Variants in SRRM4 observed in about 807,000 individuals in gnomAD.
SRRM4 encodes the protein serine/arginine repetitive matrix protein 4.
SRRM4 carries 33 observed loss-of-function variants against 68.9 expected under a neutral mutation model. The ratio of observed to expected loss-of-function variants is 0.48; its 90% CI spans 0.36 to 0.64. The LOEUF (loss-of-function observed/expected upper bound fraction) is 0.64. Ranked by LOEUF, SRRM4 falls within the 30% of genes least tolerant of loss-of-function variation. The probability of loss-of-function intolerance (pLI) is 0.00; values close to 1 mark genes in which losing one functional copy is unlikely to be tolerated. For missense variants in SRRM4, 817 were observed against 827.1 expected (o/e 0.99, Z 0.15); for synonymous variants, 318 against 318.8 (o/e 1.00, Z 0.03).
At chr12:119,000,482 T>A (rs1230291852) in intron 1 of SRRM4, among the ~76,000 whole-genome samples, 1 of 152,186 alleles carries the variant, frequency 6.6e-6, no homozygotes, top group Non-Finnish European at 1.5e-5. Flanking sequence ...CAGTGAACCC[T>A]GTGTTTCTCG....
At chr12:119,029,061 A>G (rs988100791) in intron 1 of SRRM4, among the ~76,000 whole-genome samples, 2 of 152,216 alleles carry the variant, frequency 1.3e-5, no homozygotes, top group African/African-American at 4.8e-5. Flanking sequence ...AGGTGGGAAA[A>G]TACTGTGCCC....
At chr12:119,123,497 T>TAGG (rs5801316) in intron 6 of SRRM4, among the ~76,000 whole-genome samples, 82,619 of 151,076 alleles carry the variant, frequency 0.55, 22,749 homozygotes, top group South Asian at 0.63. Context: ...TCAACAGCGC[T>TAGG]AGGAAGGACC....
rs1012300433 is a variant in SRRM4, at chr12:119,075,615, T to C, written c.132-26621T>C. Among the ~76,000 whole-genome samples the C allele has an allele frequency of 2.0e-5, 3 of 151,314 alleles. No homozygotes were observed. The East Asian group carries it at 5.8e-4, about 29-fold the overall frequency. ...ATGATGATGATGTTGATGATGGTGGTGATGGTGATGATGATAGTGGTAATG... is the reference window on the plus strand; with the variant it reads ...ATGATGATGATGTTGATGATGGTGGCGATGGTGATGATGATAGTGGTAATG... On this transcript the variant is annotated intron_variant, in intron 1 of 12. Transcript: ENST00000267260.
chr12:119,028,048 G>A (rs1264067525), intron 1 of SRRM4, among the ~76,000 whole-genome samples: 1 of 152,206 alleles, frequency 6.6e-6, no homozygotes, highest in Admixed American at 6.5e-5. Flanking sequence ...AGCATGAATC[G>A]GAATCACCTG....
intron 7 of SRRM4, among the ~76,000 whole-genome samples, chr12:119,129,809 G>C (rs1268339278): frequency 6.6e-6 from 1 of 152,132 alleles, no homozygotes; most frequent in African/African-American, 2.4e-5. Flanking sequence ...TGTTGGTTAG[G>C]TAGATGGATG....
chr12:119,022,187 TA>T (rs1376062644), intron 1 of SRRM4, among the ~76,000 whole-genome samples: 10 of 152,052 alleles, frequency 6.6e-5, no homozygotes, highest in Admixed American at 6.6e-4. Flanking sequence ...TAATAAAATT[TA>T]AAATAAAATA....
At chr12:119,148,414 G>A (rs1565919554) in intron 9 of SRRM4, among the ~76,000 whole-genome samples, 2 of 152,222 alleles carry the variant, frequency 1.3e-5, no homozygotes, top group South Asian at 2.1e-4. Context: ...CAGAAGGGAG[G>A]AGGAGGACAC....
rs954653591 is a variant in SRRM4 at position 119,043,747 on chromosome 12, AAC to A, written c.132-58485_132-58484del. Among the ~76,000 whole-genome samples the A allele has an allele frequency of 4.1e-5, 5 of 123,350 alleles. 1 individual carries two copies. The highest frequency in any genetic ancestry group is 1.6e-4 in the Admixed American group (2 of 12,302). The allele number at this position is 123,350 out of a possible 152,430, so 80.9% of individuals were successfully genotyped here. A position where few individuals can be genotyped will look rare whatever the true frequency, so the allele number is the denominator to read the frequency against. On this transcript the variant is annotated intron_variant, in intron 1 of 12. Transcript: ENST00000267260. ...GGGCGTAGGGGAACAGTGAGTTACA[AAC>A]ACATACACATGCACACATACACGCA...
chr12:119,122,207 A>G (rs1048733107), intron 6 of SRRM4, 87 bp downstream of exon 6: 5 of 882,986 alleles, frequency 5.7e-6, no homozygotes, highest in Non-Finnish European at 7.4e-6. Context: ...AGAGTTGCCA[A>G]ATAAACAGGG....
At chr12:119,105,029 C>T (rs1268662469) in intron 2 of SRRM4, among the ~76,000 whole-genome samples, 1 of 136,522 alleles carries the variant, frequency 7.3e-6, no homozygotes, top group Non-Finnish European at 1.5e-5. Context: ...TCCAAGTGTT[C>T]TCATTGTTCA....
At chr12:119,031,604 C>A (rs1953590307) in intron 1 of SRRM4, among the ~76,000 whole-genome samples, 2 of 152,000 alleles carry the variant, frequency 1.3e-5, no homozygotes, top group African/African-American at 2.4e-5. Context: ...TAAATTGACC[C>A]CTGGGATAGC....
Position 119,131,854 on chromosome 12 carries a change from G to A in SRRM4, c.771+1020G>A, listed in dbSNP as rs1345251430. On this transcript the variant is annotated intron_variant, in intron 8 of 12. Coordinates refer to ENST00000267260, the MANE Select transcript of SRRM4 (RefSeq NM_194286.4). ...GCAGCAGGCAGCTGTGAAAGGGACT[G>A]TTTTCTCTAGCTACATGTGAACTTG... Among the ~76,000 whole-genome samples, 3 of 152,182 alleles carry A rather than the reference G, an allele frequency of 2.0e-5. No individual in the cohort carries two copies. In the South Asian group the frequency reaches 6.2e-4, roughly 32 times the overall value.
At chr12:119,055,239 T>A (rs573072564) in intron 1 of SRRM4, among the ~76,000 whole-genome samples, 2 of 152,202 alleles carry the variant, frequency 1.3e-5, no homozygotes, top group Admixed American at 6.5e-5. Context: ...TCTCTCCTAC[T>A]GGTTTGTTCT....
At chr12:119,129,366 C>T (rs1358938685) in intron 7 of SRRM4, among the ~76,000 whole-genome samples, 2 of 152,190 alleles carry the variant, frequency 1.3e-5, no homozygotes, top group Non-Finnish European at 2.9e-5. Context: ...GTTTTTACTG[C>T]AGACCAAGCA....
intron 1 of SRRM4, among the ~76,000 whole-genome samples, chr12:119,053,226 A>G (rs1953755979): frequency 6.6e-6 from 1 of 152,162 alleles, no homozygotes; most frequent in Admixed American, 6.5e-5. Flanking sequence ...TTTCATTTGT[A>G]TCTATTTTAA....
At chr12:119,042,099 C>G (rs1486989809) in intron 1 of SRRM4, among the ~76,000 whole-genome samples, 1 of 152,086 alleles carries the variant, frequency 6.6e-6, no homozygotes, top group Non-Finnish European at 1.5e-5. Context: ...AGAAAGACTC[C>G]AAGACTTTCC....
chr12:119,116,882 C>A (rs1954183097), intron 3 of SRRM4, 55 bp from the exon 4 acceptor site: 2 of 1,544,250 alleles, frequency 1.3e-6, no homozygotes, highest in Non-Finnish European at 1.8e-6. Flanking sequence ...CTTTTTGAAA[C>A]CAACCTTGGC....
chr12:119,017,321 T>A (rs1441605364), intron 1 of SRRM4, among the ~76,000 whole-genome samples: 2 of 152,220 alleles, frequency 1.3e-5, no homozygotes, highest in Admixed American at 1.3e-4. Context: ...TTTCTTCCAG[T>A]TCTAAAATTC....
intron 8 of SRRM4, among the ~76,000 whole-genome samples, chr12:119,143,869 C>T (rs1382994057): frequency 6.6e-6 from 1 of 152,110 alleles, no homozygotes; most frequent in African/African-American, 2.4e-5. Context: ...TCTTGGTCCC[C>T]CAGATTTCTC....
Sources: allele counts gnomAD v4.1 joint callset (sites outside exome capture counted in the v4.1 genomes callset), GRCh38; gene constraint gnomAD v4.1.1; transcripts MANE v1.5; gene names NCBI Gene and HGNC (gene_info 2026-07-23, HGNC 2026-07-21).